Variants in MID1 observed in about 807,000 individuals in gnomAD.
MID1 encodes E3 ubiquitin-protein ligase Midline-1.
Under a neutral mutation model 40.4 loss-of-function variants are expected in MID1, and 7 were observed. That is an observed-to-expected ratio of 0.17 (90% CI 0.10 to 0.33). MID1 has a LOEUF of 0.33. Ranked by LOEUF, MID1 falls within the 10% of genes least tolerant of loss-of-function variation. MID1 has a pLI of 1.00. For missense variants in MID1, 367 were observed against 558.5 expected (o/e 0.66, Z 3.46); for synonymous variants, 229 against 221.2 (o/e 1.04, Z -0.31).
chrX:10,486,265 T>C (rs1930610992), intron 4 of MID1, among the ~76,000 whole-genome samples: 2 of 112,270 alleles, frequency 1.8e-5, no homozygotes, highest in African/African-American at 3.2e-5. Flanking sequence ...GTGTCAGAGA[T>C]AGACAGGGGC....
rs552037461 is a variant in MID1 at position 10,746,015 on chromosome X, G to A, written c.-187+87539C>T. On this transcript the variant is annotated intron_variant, in intron 1 of 10. Coordinates refer to the MID1 transcript ENST00000380785. ...CTAAGAGAGCAATGAAATCCCAGAA[G>A]AAGAAACGATGACTTAAGTCTGGGA... Among the ~76,000 whole-genome samples, 332 of 112,153 alleles carry A rather than the reference G, an allele frequency of 3.0e-3. 1 individual carries two copies. The highest frequency in any genetic ancestry group is 0.01 in the African/African-American group (312 of 30,863).
intron 1 of MID1, among the ~76,000 whole-genome samples, chrX:10,757,285 GA>G (rs2043638470): frequency 8.9e-6 from 1 of 112,394 alleles, no homozygotes; most frequent in African/African-American, 3.2e-5. Context: ...TTACCGAGTT[GA>G]CAGATGAAAA....
intron 1 of MID1, among the ~76,000 whole-genome samples, chrX:10,683,420 T>C (rs1459962101): frequency 2.7e-5 from 3 of 110,953 alleles, no homozygotes. Flanking sequence ...CATGCATCTG[T>C]AGTTGCAGCT....
intron 1 of MID1, among the ~76,000 whole-genome samples, chrX:10,710,647 T>C (rs2043261013): frequency 1.8e-5 from 2 of 111,021 alleles, no homozygotes; most frequent in Admixed American, 1.9e-4. Flanking sequence ...CCCCAAATTC[T>C]TTCCTTCTTT....
intron 1 of MID1, among the ~76,000 whole-genome samples, chrX:10,678,816 A>G (rs2043039859): frequency 8.9e-6 from 1 of 112,392 alleles, no homozygotes; most frequent in Non-Finnish European, 1.9e-5. Context: ...AATGTAAATT[A>G]AAACTACACC....
intron 1 of MID1, among the ~76,000 whole-genome samples, chrX:10,714,344 G>A (rs1161782577): frequency 8.9e-6 from 1 of 112,272 alleles, no homozygotes; most frequent in Non-Finnish European, 1.9e-5. Flanking sequence ...AGCTTAGAGC[G>A]AAGCCTGGGT....
intron 3 of MID1, among the ~76,000 whole-genome samples, chrX:10,510,093 C>A (rs949801742): frequency 5.4e-5 from 6 of 111,907 alleles, no homozygotes; most frequent in Non-Finnish European, 1.1e-4. Flanking sequence ...TAATCACTCT[C>A]GGGAGTCCTT....
chrX:10,791,700 A>G (rs1254353261), intron 1 of MID1, among the ~76,000 whole-genome samples: 2 of 110,959 alleles, frequency 1.8e-5, no homozygotes, highest in African/African-American at 3.3e-5. Context: ...GAACCCAGAA[A>G]TTTCTGAGTT....
intron 1 of MID1, among the ~76,000 whole-genome samples, chrX:10,649,336 A>G (rs1311611686): frequency 8.9e-6 from 1 of 111,917 alleles, no homozygotes; most frequent in Non-Finnish European, 1.9e-5. Context: ...TAGACATCTT[A>G]TCTTCTGCAG....
chrX:10,765,354 G>A (rs1288275869), intron 1 of MID1, among the ~76,000 whole-genome samples: 1 of 112,217 alleles, frequency 8.9e-6, no homozygotes. Context: ...AATTTAATCT[G>A]TACTTAATTT....
chrX:10,546,377 T>TTG (rs1358662460), intron 2 of MID1, among the ~76,000 whole-genome samples: 1 of 112,507 alleles, frequency 8.9e-6, no homozygotes, highest in Non-Finnish European at 1.9e-5. Context: ...TTCTTTGAAT[T>TTG]TCAGCCATTT....
intron 1 of MID1, among the ~76,000 whole-genome samples, chrX:10,636,990 T>C (rs1266766592): frequency 1.9e-5 from 2 of 105,868 alleles, no homozygotes; most frequent in African/African-American, 6.9e-5. Context: ...CTGTACAACA[T>C]CTGTTTAGGA....
At chrX:10,681,716 C>T (rs1369241646) in intron 1 of MID1, among the ~76,000 whole-genome samples, 1 of 111,381 alleles carries the variant, frequency 9.0e-6, no homozygotes, top group East Asian at 2.8e-4. Context: ...TGGTGAGGTT[C>T]AGAAAGTATG....
intron 2 of MID1, among the ~76,000 whole-genome samples, chrX:10,559,805 T>C (rs1306994779): frequency 9.0e-6 from 1 of 111,450 alleles, no homozygotes; most frequent in African/African-American, 3.3e-5. Flanking sequence ...CTGTTACTGT[T>C]CATATTACCT....
chrX:10,516,116 TAG>T (rs1932383742), intron 3 of MID1, among the ~76,000 whole-genome samples: 1 of 108,084 alleles, frequency 9.3e-6, no homozygotes, highest in African/African-American at 3.4e-5. Flanking sequence ...GAAAACAAAA[TAG>T]AGTGGTTGAA....
intron 2 of MID1, among the ~76,000 whole-genome samples, chrX:10,546,084 A>T (rs1933670669): frequency 8.9e-6 from 1 of 112,012 alleles, no homozygotes; most frequent in African/African-American, 3.2e-5. Flanking sequence ...TTACAAGACA[A>T]ATGGCTGGGC....
intron 5 of MID1, among the ~76,000 whole-genome samples, chrX:10,480,382 C>T (rs7876447): frequency 0.084 from 9,435 of 111,673 alleles, 850 homozygotes; most frequent in African/African-American, 0.27. Context: ...TCACATCATC[C>T]CTGGTCACTA....
At chrX:10,566,852 G>A in intron 2 of MID1, 36 bp downstream of exon 2, 1 of 1,188,548 alleles carries the variant, frequency 8.4e-7, no homozygotes, top group East Asian at 3.0e-5. Flanking sequence ...ACATTTTCTG[G>A]CAGAAAGGGG....
chrX:10,804,941 A>G (rs942757306), intron 1 of MID1, among the ~76,000 whole-genome samples: 1 of 111,377 alleles, frequency 9.0e-6, no homozygotes, highest in Non-Finnish European at 1.9e-5. Flanking sequence ...CCAAGCACTA[A>G]GTAAATTTTT....
Sources: allele counts gnomAD v4.1 joint callset (sites outside exome capture counted in the v4.1 genomes callset), GRCh38; gene constraint gnomAD v4.1.1; transcripts MANE v1.5; gene names NCBI Gene and HGNC (gene_info 2026-07-23, HGNC 2026-07-21).